Variants in TRAPPC9 observed in about 807,000 individuals in gnomAD.
TRAPPC9 encodes IKK2 binding protein.
A neutral mutation model predicts 124.0 loss-of-function variants in TRAPPC9; 83 were observed. The observed-to-expected ratio is 0.67, with a 90% CI of 0.56 to 0.80. The LOEUF (loss-of-function observed/expected upper bound fraction) is 0.80. Among genes scored for constraint, TRAPPC9 ranks in the 30% least tolerant of loss-of-function variants. The probability of loss-of-function intolerance (pLI) is 0.00; values close to 1 mark genes in which losing one functional copy is unlikely to be tolerated. For missense variants in TRAPPC9, 1,302 were observed against 1,508.3 expected (o/e 0.86, Z 2.27); for synonymous variants, 638 against 617.5 (o/e 1.03, Z -0.49).
intron 3 of TRAPPC9, among the ~76,000 whole-genome samples, chr8:140,437,894 G>A (rs765195743): frequency 1.3e-5 from 2 of 152,184 alleles, no homozygotes; most frequent in Non-Finnish European, 2.9e-5. Context: ...ACCACGAAGT[G>A]TCAGCAACAT....
Position 140,272,130 on chromosome 8 carries a change from C to CAATGATGATGGTGGCGATGGT in TRAPPC9, c.2278+3527_2278+3528insACCATCGCCACCATCATCATT, listed in dbSNP as rs1450234909. Among the ~76,000 whole-genome samples the CAATGATGATGGTGGCGATGGT allele has an allele frequency of 5.1e-3, 512 of 100,452 alleles. 6 individuals are homozygous for CAATGATGATGGTGGCGATGGT. The highest frequency in any genetic ancestry group is 0.011 in the African/African-American group (320 of 29,288). The allele number at this position is 100,452 out of a possible 152,430, so 65.9% of individuals were successfully genotyped here. ...GTGGTGGTGGCAATGGTGATGGTGGCGATGGTGATGGTGATGGTGGTAGCA... is the reference window on the plus strand; with the variant it reads ...GTGGTGGTGGCAATGGTGATGGTGGCAATGATGATGGTGGCGATGGTGATGGTGATGGTGATGGTGGTAGCA... On this transcript the variant is annotated intron_variant, in intron 15 of 22. Coordinates refer to ENST00000438773, the MANE Select transcript of TRAPPC9 (RefSeq NM_001160372.4).
At position 139,898,301 on chromosome 8, in the gene TRAPPC9, C is replaced by T. The variant is rs77891349; in HGVS notation, c.2964+11846G>A. Among the ~76,000 whole-genome samples, 1,119 of 152,302 alleles carry T rather than the reference C, an allele frequency of 7.3e-3. 8 individuals carry two copies. Among genetic ancestry groups the T allele is most frequent in the Non-Finnish European group, 0.01 (699 of 68,024 alleles). On this transcript the variant is annotated intron_variant, in intron 20 of 22. Coordinates refer to ENST00000438773, the MANE Select transcript of TRAPPC9 (RefSeq NM_001160372.4). Reference sequence around the variant, plus strand: ...GGCTTCAGATACTTGTGGCCATGACCGATTTCCCAAACTAGACCCCGGTAA... The same window carrying T: ...GGCTTCAGATACTTGTGGCCATGACTGATTTCCCAAACTAGACCCCGGTAA...
chr8:140,427,416 GAAT>G (rs1257364172), intron 4 of TRAPPC9, among the ~76,000 whole-genome samples: 1 of 150,792 alleles, frequency 6.6e-6, no homozygotes, highest in East Asian at 1.9e-4. Flanking sequence ...TACACACACA[GAAT>G]AATTGGACAC....
At chr8:140,002,756 T>C (rs1838481298) in intron 18 of TRAPPC9, among the ~76,000 whole-genome samples, 1 of 148,396 alleles carries the variant, frequency 6.7e-6, no homozygotes, top group Non-Finnish European at 1.5e-5. Context: ...ACAGATACAG[T>C]CATTTTATTT....
intron 1 of TRAPPC9, among the ~76,000 whole-genome samples, chr8:140,452,767 T>C (rs536339808): frequency 6.6e-6 from 1 of 152,322 alleles, no homozygotes; most frequent in East Asian, 1.9e-4. Context: ...CAATGAATGC[T>C]GCCCCCAGCC....
At chr8:140,272,116 A>ATGGTG (rs1588062396) in intron 15 of TRAPPC9, among the ~76,000 whole-genome samples, 2 of 120,118 alleles carry the variant, frequency 1.7e-5, no homozygotes, top group Admixed American at 7.9e-5. Context: ...TGGTGGTGGC[A>ATGGTG]ATGGTGATGG....
At chr8:139,846,135 G>T (rs1827062255) in intron 21 of TRAPPC9, among the ~76,000 whole-genome samples, 1 of 152,266 alleles carries the variant, frequency 6.6e-6, no homozygotes, top group Non-Finnish European at 1.5e-5. Context: ...GCTACAGGCT[G>T]CAGGGAGAGG....
intron 21 of TRAPPC9, among the ~76,000 whole-genome samples, chr8:139,828,564 C>T (rs934109984): frequency 4.6e-5 from 7 of 152,174 alleles, no homozygotes; most frequent in Admixed American, 3.3e-4. Flanking sequence ...GAAGGAACAT[C>T]CTGAGATTTC....
chr8:139,964,114 C>G (rs1835535648), intron 19 of TRAPPC9, among the ~76,000 whole-genome samples: 1 of 150,222 alleles, frequency 6.7e-6, no homozygotes, highest in Non-Finnish European at 1.5e-5. Context: ...GTCCCAGCTA[C>G]TTGGGAGGCT....
At position 140,456,731 on chromosome 8, in the gene TRAPPC9, G is replaced by A. The variant is rs2071678984; in HGVS notation, c.-11+908C>T. 7 of 934,462 alleles carry A rather than the reference G, an allele frequency of 7.5e-6. No homozygotes were observed. In the South Asian group the frequency reaches 2.0e-4, roughly 26 times the overall value. The allele number at this position is 934,462 out of a possible 1,614,324, so 57.9% of individuals were successfully genotyped here. A position where few individuals can be genotyped will look rare whatever the true frequency, so the allele number is the denominator to read the frequency against. On this transcript the variant is annotated intron_variant, in intron 1 of 22. Coordinates refer to ENST00000438773, the MANE Select transcript of TRAPPC9 (RefSeq NM_001160372.4). ...GTCATAGGTAGCTATGACTACCTTA[G>A]AAACACGGGACAGTCACCAGTTTAA...
In TRAPPC9 at chr8:140,321,447, C is replaced by T. The variant is rs111479895; in HGVS notation, c.1496-10073G>A. Among the ~76,000 whole-genome samples, 299 of 152,304 alleles carry T rather than the reference C, an allele frequency of 2.0e-3. 1 individual carries two copies. Among genetic ancestry groups the T allele is most frequent in the African/African-American group, 6.2e-3 (258 of 41,568 alleles). On this transcript the variant is annotated intron_variant, in intron 9 of 22. Coordinates refer to ENST00000438773, the MANE Select transcript of TRAPPC9 (RefSeq NM_001160372.4). ...AGTGGCACCAGATGGCCTTTGCGCACTAACAATGAGAATGAGATGCATAAG... is the reference window on the plus strand; with the variant it reads ...AGTGGCACCAGATGGCCTTTGCGCATTAACAATGAGAATGAGATGCATAAG...
At chr8:140,455,066 C>G (rs1433846440) in intron 1 of TRAPPC9, among the ~76,000 whole-genome samples, 2 of 152,108 alleles carry the variant, frequency 1.3e-5, no homozygotes, top group Non-Finnish European at 2.9e-5. Flanking sequence ...TACTATAAAA[C>G]CAGCAATCCA....
At chr8:140,070,546 A>C (rs928428716) in intron 17 of TRAPPC9, among the ~76,000 whole-genome samples, 1 of 152,208 alleles carries the variant, frequency 6.6e-6, no homozygotes, top group Non-Finnish European at 1.5e-5. Flanking sequence ...ATGAGGAAAA[A>C]TGATGAGAAA....
intron 19 of TRAPPC9, among the ~76,000 whole-genome samples, chr8:139,970,439 G>A (rs1052718214): frequency 2.6e-5 from 4 of 152,198 alleles, no homozygotes; most frequent in African/African-American, 9.6e-5. Context: ...CAAGGGGAGG[G>A]AGGGTACAAG....
chr8:140,422,787 A>G (rs1413522975), intron 5 of TRAPPC9, among the ~76,000 whole-genome samples: 4 of 152,014 alleles, frequency 2.6e-5, no homozygotes, highest in Non-Finnish European at 5.9e-5. Context: ...CAACTCAACA[A>G]TAAAAAGACA....
intron 7 of TRAPPC9, among the ~76,000 whole-genome samples, chr8:140,388,228 TGGGGA>T (rs2068813328): frequency 9.5e-5 from 2 of 21,064 alleles, no homozygotes; most frequent in African/African-American, 1.2e-4. Flanking sequence ...TGTTGTGGGG[TGGGGA>T]GGGGGGAGGT....
intron 17 of TRAPPC9, among the ~76,000 whole-genome samples, chr8:140,109,541 G>GA (rs1421841247): frequency 6.6e-6 from 1 of 151,976 alleles, no homozygotes; most frequent in African/African-American, 2.4e-5. Context: ...GCATGACCTT[G>GA]AAAAAAATAC....
At chr8:139,737,782 G>A (rs1190421581) in intron 21 of TRAPPC9, among the ~76,000 whole-genome samples, 1 of 152,200 alleles carries the variant, frequency 6.6e-6, no homozygotes, top group Non-Finnish European at 1.5e-5. Context: ...CCAGTCTTTA[G>A]GTGGGGTAGA....
At chr8:140,123,640 G>A (rs142427663) in intron 17 of TRAPPC9, among the ~76,000 whole-genome samples, 7 of 152,270 alleles carry the variant, frequency 4.6e-5, no homozygotes, top group African/African-American at 1.2e-4. Context: ...TGTACTTCTC[G>A]CACATCACTC....
Sources: allele counts gnomAD v4.1 joint callset (sites outside exome capture counted in the v4.1 genomes callset), GRCh38; gene constraint gnomAD v4.1.1; transcripts MANE v1.5; gene names NCBI Gene and HGNC (gene_info 2026-07-23, HGNC 2026-07-21).